Variants in UNKL observed in about 807,000 individuals in gnomAD.
The protein encoded by UNKL is unk like zinc finger.
UNKL carries 60 observed loss-of-function variants against 78.0 expected under a neutral mutation model. The ratio of observed to expected loss-of-function variants is 0.77; its 90% CI spans 0.63 to 0.95. The LOEUF (loss-of-function observed/expected upper bound fraction) is 0.95, where lower values mean the gene tolerates loss of function less well. Among genes scored for constraint, UNKL ranks in the 40% least tolerant of loss-of-function variants. The pLI is 0.00. For missense variants in UNKL, 1,159 were observed against 1,045.7 expected (o/e 1.11, Z -1.49); for synonymous variants, 608 against 474.8 (o/e 1.28, Z -3.65).
At position 1,370,293 on chromosome 16, in the gene UNKL, C is replaced by T. The variant is rs1300886740; in HGVS notation, c.1422G>A (p.Ser474=). 4.6e-6 allele frequency: 7 copies of T among 1,534,118 alleles called. No homozygotes were observed. The highest frequency in any genetic ancestry group is 1.8e-4 in the Middle Eastern group (1 of 5,586). ...TGGACGCAGAGGATGGCGAGTGTAG[C>T]GATGGTGCTCTGGGCAGGGAGCCGG... The part of the protein sequence containing the change: ...AIPGSLPRAP[S]LHSPSSASTS... Residue 474 remains serine (S), a synonymous_variant, in exon 12 of 15, where the codon TCG becomes TCA. Coordinates refer to ENST00000389221, the MANE Select transcript of UNKL (RefSeq NM_001372107.1).
intron 9 of UNKL, among the ~76,000 whole-genome samples, chr16:1,389,594 A>G (rs1016897911): frequency 6.6e-6 from 1 of 152,180 alleles, no homozygotes; most frequent in African/African-American, 2.4e-5. Context: ...AAGAATCTGT[A>G]AAAACACAAC....
intron 8 of UNKL, among the ~76,000 whole-genome samples, chr16:1,391,285 T>C (rs779830321): frequency 3.6e-5 from 5 of 139,076 alleles, no homozygotes; most frequent in African/African-American, 1.1e-4. Flanking sequence ...CACACACACA[T>C]AAGCTCTGCT....
At chr16:1,382,024 G>A (rs1333440975) in intron 10 of UNKL, among the ~76,000 whole-genome samples, 11 of 152,178 alleles carry the variant, frequency 7.2e-5, no homozygotes, top group African/African-American at 2.7e-4. Flanking sequence ...TCTGTCCCTG[G>A]GCTGGGATGG....
At chr16:1,371,473 G>A (rs975601770) in intron 11 of UNKL, 46 bp downstream of exon 11, 2 of 1,524,620 alleles carry the variant, frequency 1.3e-6, no homozygotes, top group South Asian at 2.4e-5. Context: ...GCACTTGGCT[G>A]TTCAGCGGCT....
rs1464735608 is a variant in UNKL, at chr16:1,399,600, C to A, written c.599-91G>T. 2.0e-6 allele frequency: 3 copies of A among 1,524,892 alleles called. No individual in the cohort carries two copies. The East Asian group carries it at 7.4e-5, about 38-fold the overall frequency. 94.5% of individuals were successfully genotyped at this position (1,524,892 alleles called of 1,614,324 possible). On this transcript the variant is annotated intron_variant, in intron 4 of 14. Transcript: ENST00000389221. The surrounding 1 kb of genome is among the most constrained non-coding windows in gnomAD (Gnocchi z 5.8). Reference sequence around the variant, plus strand: ...AAGGTGGAAGGACCTGGCTGTCCCCCAAATGGAAGGGGCTGCAGGAGGACT... The same window carrying A: ...AAGGTGGAAGGACCTGGCTGTCCCCAAAATGGAAGGGGCTGCAGGAGGACT...
chr16:1,403,106 C>A lies in UNKL; in HGVS notation c.464+62G>T, dbSNP rs993189865. 4.6e-6 allele frequency: 7 copies of A among 1,531,108 alleles called. No homozygotes were observed. The highest frequency in any genetic ancestry group is 6.1e-6 in the Non-Finnish European group (7 of 1,139,390). 94.8% of individuals were successfully genotyped at this position (1,531,108 alleles called of 1,614,324 possible). On this transcript the variant is annotated intron_variant, in intron 3 of 14. Transcript: ENST00000389221. This position sits in a 1 kb window ranked among gnomAD's most constrained non-coding sequence, Gnocchi z 4.8. ...AGGCGAGCCACTTGCCGAGTTCCTGCTCATCCAGCAGAGCCCACAGCAGCA... is the reference window on the plus strand; with the variant it reads ...AGGCGAGCCACTTGCCGAGTTCCTGATCATCCAGCAGAGCCCACAGCAGCA...
intron 10 of UNKL, among the ~76,000 whole-genome samples, chr16:1,374,872 C>T (rs559105636): frequency 6.6e-6 from 1 of 152,348 alleles, no homozygotes; most frequent in East Asian, 1.9e-4. Context: ...GGGGCCTTTC[C>T]AGACATTTTC....
chr16:1,367,253 C>T lies in UNKL; in HGVS notation c.1885G>A (p.Val629Met), dbSNP rs1330645766. ...TGCAGCTGCTTCACCTGTGCCTCCA[C>T]CTCCTCCTTCTTCTGCAGCGCCAGC... ...RQLALQKKEE[V>M]EAQVKQLQEE... Residue 629 changes from valine to methionine, a missense_variant, in exon 14 of 15, where the codon GTG becomes ATG. By Grantham distance (21) the Val-to-Met change is conservative. Coordinates refer to ENST00000389221, the MANE Select transcript of UNKL (RefSeq NM_001372107.1). The T allele has an allele frequency of 9.4e-6, 15 of 1,588,082 alleles. No individual in the cohort carries two copies. The highest frequency in any genetic ancestry group is 1.2e-5 in the Non-Finnish European group (14 of 1,171,106).
intron 10 of UNKL, among the ~76,000 whole-genome samples, chr16:1,381,924 C>T (rs1284496991): frequency 6.6e-6 from 1 of 152,172 alleles, no homozygotes; most frequent in Non-Finnish European, 1.5e-5. Flanking sequence ...GCCTGGGTGA[C>T]AGGGCAAGAC....
At position 1,414,015 on chromosome 16, in the gene UNKL, A is replaced by C. The variant is rs202202852; in HGVS notation, c.118T>G (p.Ser40Ala). 3 of 1,551,190 alleles carry C rather than the reference A, an allele frequency of 1.9e-6. No homozygotes were observed. The highest frequency in any genetic ancestry group is 1.2e-5 in the South Asian group (1 of 84,108). ...EFRTEQCPLF[S>A]QHKCAQHRPF... Reference sequence around the variant, plus strand: ...CGGTGCTGCGCGCACTTGTGCTGTGAAAACAGGGGGCACTGCTCCGTCCTG... The same window carrying C: ...CGGTGCTGCGCGCACTTGTGCTGTGCAAACAGGGGGCACTGCTCCGTCCTG... The change falls in exon 2 of 15, where the codon TCA (serine) becomes GCA (alanine). Residue 40 changes from serine to alanine, a missense_variant. Ser to Ala is a moderately conservative substitution (Grantham distance 99). Transcript: ENST00000389221.
intron 9 of UNKL, among the ~76,000 whole-genome samples, chr16:1,386,070 C>A (rs181156165): frequency 1.4e-4 from 21 of 152,362 alleles, no homozygotes; most frequent in African/African-American, 4.3e-4. Flanking sequence ...AGACCCAGAG[C>A]CACCTACGAG....
chr16:1,392,804 G>A lies in UNKL; in HGVS notation c.1023+87C>T, dbSNP rs1352036067. The A allele has an allele frequency of 2.1e-6, 3 of 1,458,020 alleles. No individual in the cohort carries two copies. The Admixed American group carries it at 5.9e-5, about 29-fold the overall frequency. 90.3% of individuals were successfully genotyped at this position (1,458,020 alleles called of 1,614,324 possible). A position where few individuals can be genotyped will look rare whatever the true frequency, so the allele number is the denominator to read the frequency against. ...TCCACAGACTGCCCACGACCACATT[G>A]CTGAAAACTCATATCCATCCACATC... is the stretch of plus-strand genomic sequence containing the variant. On this transcript the variant is annotated intron_variant, in intron 8 of 14. Coordinates refer to ENST00000389221, the MANE Select transcript of UNKL (RefSeq NM_001372107.1).
At position 1,411,259 on chromosome 16, in the gene UNKL, G is replaced by T. The variant is rs145447941; in HGVS notation, c.287+2587C>A. Reference sequence around the variant, plus strand: ...TCTATAGCTCCAGAGGCTGAAGTGGGAGAATCACTTGAGCCCAGGAGGTAG... The same window carrying T: ...TCTATAGCTCCAGAGGCTGAAGTGGTAGAATCACTTGAGCCCAGGAGGTAG... On this transcript the variant is annotated intron_variant, in intron 2 of 14. Transcript: ENST00000389221. 6.6e-5 allele frequency among the ~76,000 whole-genome samples: 10 copies of T among 152,248 alleles called. No homozygotes were observed. The East Asian group carries it at 1.9e-3, about 29-fold the overall frequency.
chr16:1,365,499 C>T lies in UNKL; in HGVS notation c.*741G>A, dbSNP rs945434681. On this transcript the variant is annotated 3_prime_UTR_variant, in exon 15 of 15. Coordinates refer to ENST00000389221, the MANE Select transcript of UNKL (RefSeq NM_001372107.1). ...ACGGAGCTCTCCTGCTCCCACGCCA[C>T]GAGGCTGGAACATCAGCCCCAGTGC... is the stretch of plus-strand genomic sequence containing the variant. 2 of 152,642 alleles carry T rather than the reference C, an allele frequency of 1.3e-5. No homozygotes were observed. The highest frequency in any genetic ancestry group is 1.9e-4 in the East Asian group (1 of 5,190). The allele number at this position is 152,642 out of a possible 1,614,324, so 9.5% of individuals were successfully genotyped here.
chr16:1,413,374 G>C (rs1367587289), intron 2 of UNKL, among the ~76,000 whole-genome samples: 1 of 151,614 alleles, frequency 6.6e-6, no homozygotes, highest in Non-Finnish European at 1.5e-5. Context: ...TTCGAGACAA[G>C]CCTAACCAAC....
rs1596708298 is a variant in UNKL at position 1,385,366 on chromosome 16, G to A, written c.1106C>T (p.Ala369Val). The A allele has an allele frequency of 7.1e-7, 1 of 1,406,808 alleles. No individual in the cohort carries two copies. 87.1% of individuals were successfully genotyped at this position (1,406,808 alleles called of 1,614,324 possible). A position where few individuals can be genotyped will look rare whatever the true frequency, so the allele number is the denominator to read the frequency against. Residue 369 changes from alanine to valine, a missense_variant, in exon 10 of 15, where the codon GCA becomes GTA. Ala to Val is a moderately conservative substitution (Grantham distance 64). Transcript: ENST00000389221. ...GCTGGGGGCCGGCGGGTGGACCGCT[G>A]CAAACACGGCCAGGTGGTTCTGTTC... ...DSKQNHLAVF[A>V]AVHPPAPSVS...
At chr16:1,404,569 C>T (rs2037665677) in intron 2 of UNKL, among the ~76,000 whole-genome samples, 1 of 152,162 alleles carries the variant, frequency 6.6e-6, no homozygotes, top group Non-Finnish European at 1.5e-5. Flanking sequence ...AAGCAAAAGT[C>T]AAATTACAAC....
intron 10 of UNKL, among the ~76,000 whole-genome samples, chr16:1,375,884 G>A (rs1029988036): frequency 6.6e-6 from 1 of 152,180 alleles, no homozygotes; most frequent in Admixed American, 6.5e-5. Context: ...CCTCCCGGTC[G>A]CTGTCATCCA....
chr16:1,400,057 GA>G (rs934962603), intron 4 of UNKL, among the ~76,000 whole-genome samples: 1 of 152,068 alleles, frequency 6.6e-6, no homozygotes, highest in Non-Finnish European at 1.5e-5. Flanking sequence ...GGGTGTTTGG[GA>G]AATCTATTTT....
Sources: allele counts gnomAD v4.1 joint callset (sites outside exome capture counted in the v4.1 genomes callset), GRCh38; gene constraint gnomAD v4.1.1; non-coding constraint Gnocchi (gnomAD v3.1); transcripts MANE v1.5; gene names NCBI Gene and HGNC (gene_info 2026-07-23, HGNC 2026-07-21).